VPS13D: variants seen among roughly 807,000 people sequenced by gnomAD.
VPS13D encodes the protein vacuolar protein sorting 13 homolog D, also known as intermembrane lipid transfer protein VPS13D.
Under a neutral mutation model 461.9 loss-of-function variants are expected in VPS13D, and 187 were observed. The observed-to-expected ratio is 0.40, with a 90% CI of 0.36 to 0.46. The LOEUF is 0.46. VPS13D is among the 20% of genes least tolerant of loss of function. The pLI, the probability that VPS13D is intolerant of heterozygous loss-of-function variation, is 0.60. For missense variants in VPS13D, 4,711 were observed against 5,364.9 expected (o/e 0.88, Z 3.81); for synonymous variants, 1,951 against 1,986.3 (o/e 0.98, Z 0.47).
At chr1:12,315,844 T>C (rs899289369) in intron 30 of VPS13D, among the ~76,000 whole-genome samples, 6 of 152,130 alleles carry the variant, frequency 3.9e-5, no homozygotes, top group African/African-American at 1.4e-4. Flanking sequence ...TGAGACGTAG[T>C]CTCACTCTGT....
chr1:12,288,762 G>A (rs1485652334), intron 22 of VPS13D, among the ~76,000 whole-genome samples: 1 of 152,048 alleles, frequency 6.6e-6, no homozygotes, highest in Non-Finnish European at 1.5e-5. Flanking sequence ...GGATATGACT[G>A]CATCTAGAGT....
chr1:12,437,618 A>G (rs1389920687), intron 65 of VPS13D, among the ~76,000 whole-genome samples: 1 of 152,002 alleles, frequency 6.6e-6, no homozygotes, highest in Non-Finnish European at 1.5e-5. Flanking sequence ...TCCCCCATCC[A>G]TTCCAATGAG....
intron 66 of VPS13D, among the ~76,000 whole-genome samples, chr1:12,459,886 G>A (rs992665845): frequency 6.6e-6 from 1 of 151,136 alleles, no homozygotes; most frequent in Non-Finnish European, 1.5e-5. Flanking sequence ...CTGATCGTCC[G>A]TAGGCTGCCC....
At chr1:12,489,827 C>G (rs1402327712) in intron 67 of VPS13D, among the ~76,000 whole-genome samples, 2 of 152,182 alleles carry the variant, frequency 1.3e-5, no homozygotes, top group Non-Finnish European at 2.9e-5. Context: ...CATCATTACC[C>G]CCACTTTATA....
At chr1:12,407,743 G>C (rs1444724488) in intron 63 of VPS13D, among the ~76,000 whole-genome samples, 2 of 152,152 alleles carry the variant, frequency 1.3e-5, no homozygotes, top group Non-Finnish European at 2.9e-5. Context: ...CCTCGATTCA[G>C]ACCAAGCACC....
chr1:12,308,468 T>C lies in VPS13D; in HGVS notation c.6477T>C (p.Asp2159=), dbSNP rs1642633008. Reference sequence around the variant, plus strand: ...GCCTGCTGGATTGCGTTGTCGTGGATCTCCAGGACATGGACATCTTTGCTG... The same window carrying C: ...GCCTGCTGGATTGCGTTGTCGTGGACCTCCAGGACATGGACATCTTTGCTG... ...HVCLLDCVVV[D]LQDMDIFAAE... is the part of the protein sequence containing the mutation. The change falls in exon 27 of 70, where the codon GAT becomes GAC. Residue 2159 remains aspartate (D), a synonymous_variant. Transcript: ENST00000620676. 1.2e-6 allele frequency: 2 copies of C among 1,613,988 alleles called. No individual in the cohort carries two copies. The highest frequency in any genetic ancestry group is 1.3e-5 in the African/African-American group (1 of 74,902).
rs1428116733 is a variant in VPS13D at position 12,502,959 on chromosome 1, A to T, written c.12795-3894A>T. ...GACCCATGGGGTTCTACACATCAGG[A>T]TGGGGAAGCTCTGGGCAAAGTGAGA... On this transcript the variant is annotated intron_variant, in intron 68 of 69. Coordinates refer to ENST00000620676, the MANE Select transcript of VPS13D (RefSeq NM_015378.4). This position sits in a 1 kb window ranked among gnomAD's most constrained non-coding sequence, Gnocchi z 4.3. Among the ~76,000 whole-genome samples, 1 of 152,128 alleles carries T rather than the reference A, an allele frequency of 6.6e-6. No individual in the cohort carries two copies. The highest frequency in any genetic ancestry group is 1.5e-5 in the Non-Finnish European group (1 of 68,022).
At chr1:12,483,241 G>T (rs1645748406) in intron 67 of VPS13D, among the ~76,000 whole-genome samples, 1 of 152,208 alleles carries the variant, frequency 6.6e-6, no homozygotes, top group Non-Finnish European at 1.5e-5. Context: ...ATTACATGAA[G>T]TAGCTGCAGT....
At position 12,510,811 on chromosome 1, in the gene VPS13D, C is replaced by A. The variant is rs1219662278; in HGVS notation, c.*1787C>A. 6.6e-6 allele frequency: 1 copy of A among 152,388 alleles called. No homozygotes were observed. Among genetic ancestry groups the A allele is most frequent in the African/African-American group, 2.4e-5 (1 of 41,438 alleles). The allele number at this position is 152,388 out of a possible 1,614,324, so 9.4% of individuals were successfully genotyped here. ...GATGGCAGCAGGATACAGCACTGCA[C>A]AAGATGGCAGCTCCTCTGCAGCTTC... On this transcript the variant is annotated 3_prime_UTR_variant, in exon 70 of 70. Coordinates refer to ENST00000620676, the MANE Select transcript of VPS13D (RefSeq NM_015378.4).
At chr1:12,242,137 T>G (rs993574719) in intron 2 of VPS13D, among the ~76,000 whole-genome samples, 13 of 152,190 alleles carry the variant, frequency 8.5e-5, no homozygotes, top group African/African-American at 3.1e-4. Flanking sequence ...ATCTGTCCTG[T>G]TATGGAAAAT....
chr1:12,319,677 G>C (rs758491214), intron 32 of VPS13D, 47 bp downstream of exon 32: 2 of 1,611,818 alleles, frequency 1.2e-6, no homozygotes, highest in Non-Finnish European at 1.7e-6. Flanking sequence ...TGGCTCACGA[G>C]CAAAGCATCT....
At position 12,276,706 on chromosome 1, in the gene VPS13D, G is replaced by A. The variant is rs201695345; in HGVS notation, c.3118G>A (p.Ala1040Thr). 1.1e-5 allele frequency: 18 copies of A among 1,614,094 alleles called. No individual in the cohort carries two copies. In the East Asian group the frequency reaches 3.1e-4, roughly 28 times the overall value. Residue 1040 changes from alanine to threonine, a missense_variant, in exon 19 of 70, where the codon GCC (alanine) becomes ACC (threonine). By Grantham distance (58) the Ala-to-Thr change is moderately conservative (BLOSUM62 0). Coordinates refer to ENST00000620676, the MANE Select transcript of VPS13D (RefSeq NM_015378.4). The surrounding 1 kb of genome is among the most constrained non-coding windows in gnomAD (Gnocchi z 4.5). Reference sequence around the variant, plus strand: ...AACGGGAAGCCTTCGGGATAGCAGGGCCCAGTCTCCTGTCTCTGGACCGAA... The same window carrying A: ...AACGGGAAGCCTTCGGGATAGCAGGACCCAGTCTCCTGTCTCTGGACCGAA... ...IPTGSLRDSRAQSPVSGPNVA... is the reference protein window; with the variant it reads ...IPTGSLRDSRTQSPVSGPNVA...
chr1:12,350,488 G>A (rs1420784459), intron 46 of VPS13D, among the ~76,000 whole-genome samples: 1 of 152,110 alleles, frequency 6.6e-6, no homozygotes, highest in Non-Finnish European at 1.5e-5. Flanking sequence ...GGTAATAAAA[G>A]GCAGACATGT....
intron 57 of VPS13D, among the ~76,000 whole-genome samples, chr1:12,382,080 TTTC>T (rs1644290420): frequency 6.6e-6 from 1 of 150,938 alleles, no homozygotes; most frequent in Non-Finnish European, 1.5e-5. Flanking sequence ...TTTCTTTCTT[TTTC>T]TTTCTTTCTT....
chr1:12,243,541 C>T (rs2101207256), intron 3 of VPS13D, among the ~76,000 whole-genome samples: 2 of 152,196 alleles, frequency 1.3e-5, no homozygotes, highest in Admixed American at 1.3e-4. Flanking sequence ...CCTGGAATCC[C>T]AGCACTTTGG....
At chr1:12,401,362 T>C (rs1051786921) in intron 61 of VPS13D, among the ~76,000 whole-genome samples, 6 of 152,206 alleles carry the variant, frequency 3.9e-5, no homozygotes, top group Admixed American at 2.6e-4. Flanking sequence ...GCTGGAATCC[T>C]GACTAATGAG....
rs533630787 is a variant in VPS13D at position 12,413,305 on chromosome 1, C to G, written c.12031-1782C>G. 6.5e-4 allele frequency among the ~76,000 whole-genome samples: 98 copies of G among 150,794 alleles called. No homozygotes were observed. In the Middle Eastern group the frequency reaches 0.02, roughly 31 times the overall value. On this transcript the variant is annotated intron_variant, in intron 63 of 69. Coordinates refer to ENST00000620676, the MANE Select transcript of VPS13D (RefSeq NM_015378.4). ...CAGGAGTTGAGCAACAAAGTGAGACCCTGTCTCTCCAAAATAAAAAAAAAA... is the reference window on the plus strand; with the variant it reads ...CAGGAGTTGAGCAACAAAGTGAGACGCTGTCTCTCCAAAATAAAAAAAAAA...
chr1:12,292,920 TC>T (rs1469289234), intron 23 of VPS13D, among the ~76,000 whole-genome samples: 2 of 152,188 alleles, frequency 1.3e-5, no homozygotes, highest in Non-Finnish European at 2.9e-5. Context: ...ATTCTCAATT[TC>T]CCGCCTAGCC....
At chr1:12,377,855 T>G (rs188240547) in intron 55 of VPS13D, among the ~76,000 whole-genome samples, 4 of 141,894 alleles carry the variant, frequency 2.8e-5, no homozygotes, top group African/African-American at 5.2e-5. Flanking sequence ...TTACTAGCAA[T>G]CAATTAGCAT....
Sources: allele counts gnomAD v4.1 joint callset (sites outside exome capture counted in the v4.1 genomes callset), GRCh38; gene constraint gnomAD v4.1.1; non-coding constraint Gnocchi (gnomAD v3.1); transcripts MANE v1.5; gene names NCBI Gene and HGNC (gene_info 2026-07-23, HGNC 2026-07-21).